Variants in NRXN3 observed in about 807,000 individuals in gnomAD.
The protein encoded by NRXN3 is neurexin III.
A neutral mutation model predicts 137.6 loss-of-function variants in NRXN3; 32 were observed. That is an observed-to-expected ratio of 0.23 (90% CI 0.18 to 0.31). The LOEUF (loss-of-function observed/expected upper bound fraction) is 0.31. NRXN3 is among the 10% of genes least tolerant of loss of function. The pLI is 1.00. For synonymous variants in NRXN3, 798 were observed against 784.5 expected, an observed-to-expected ratio of 1.02 and a Z score of -0.29; for missense variants, 1,574 against 2,062.5, an observed-to-expected ratio of 0.76 and a Z score of 4.59.
chr14:78,726,187 A>AT (rs1156952687), intron 8 of NRXN3, among the ~76,000 whole-genome samples: 4 of 151,942 alleles, frequency 2.6e-5, no homozygotes, highest in Non-Finnish European at 5.9e-5. Flanking sequence ...TTTTTATTTT[A>AT]TTTTGTTCCT....
chr14:79,110,330 A>C (rs1596055901), intron 15 of NRXN3, among the ~76,000 whole-genome samples: 2 of 152,224 alleles, frequency 1.3e-5, no homozygotes, highest in East Asian at 1.9e-4. Flanking sequence ...GTGTGGGCCA[A>C]CCTTCAAATT....
intron 4 of NRXN3, among the ~76,000 whole-genome samples, chr14:78,533,988 G>C (rs1368976487): frequency 6.6e-6 from 1 of 152,156 alleles, no homozygotes; most frequent in Non-Finnish European, 1.5e-5. Context: ...GACAAATTTA[G>C]AGCAGGTTTG....
At chr14:79,059,566 A>G (rs1260023137) in intron 15 of NRXN3, among the ~76,000 whole-genome samples, 1 of 152,068 alleles carries the variant, frequency 6.6e-6, no homozygotes, top group Non-Finnish European at 1.5e-5. Context: ...CTCAGGCCCT[A>G]TTCTAATAAA....
At chr14:78,894,740 A>C (rs1310323885) in intron 10 of NRXN3, among the ~76,000 whole-genome samples, 2 of 151,814 alleles carry the variant, frequency 1.3e-5, no homozygotes, top group Non-Finnish European at 2.9e-5. Flanking sequence ...AAATAATAAG[A>C]CTTGAAAGTT....
intron 15 of NRXN3, among the ~76,000 whole-genome samples, chr14:79,277,334 CAG>C (rs2080443826): frequency 6.6e-6 from 1 of 152,140 alleles, no homozygotes; most frequent in Non-Finnish European, 1.5e-5. Context: ...TAGAGTTAAG[CAG>C]AGTCATCTAG....
intron 4 of NRXN3, among the ~76,000 whole-genome samples, chr14:78,436,631 C>T (rs527341061): frequency 5.3e-5 from 8 of 152,288 alleles, no homozygotes; most frequent in African/African-American, 1.7e-4. Context: ...AAATGTGGCT[C>T]GTGAGACACA....
intron 3 of NRXN3, among the ~76,000 whole-genome samples, chr14:78,286,618 G>A (rs55806332): frequency 1.1e-4 from 16 of 152,272 alleles, no homozygotes; most frequent in Admixed American, 9.8e-4. Flanking sequence ...TGACTGTGAC[G>A]ATGTAGGGAG....
intron 15 of NRXN3, among the ~76,000 whole-genome samples, chr14:79,264,370 T>TGAGC (rs1228420251): frequency 2.6e-5 from 4 of 152,244 alleles, no homozygotes; most frequent in Non-Finnish European, 5.9e-5. Context: ...ATTATAGGCA[T>TGAGC]GAGCCATCAT....
At chr14:78,726,578 T>C (rs1306032260) in intron 8 of NRXN3, among the ~76,000 whole-genome samples, 2 of 147,546 alleles carry the variant, frequency 1.4e-5, no homozygotes, top group African/African-American at 5.0e-5. Context: ...AGTGCAGTGA[T>C]GCAATCTCAG....
intron 4 of NRXN3, among the ~76,000 whole-genome samples, chr14:78,336,027 C>T (rs2081422958): frequency 6.6e-6 from 1 of 152,166 alleles, no homozygotes; most frequent in African/African-American, 2.4e-5. Context: ...CTTCAAAATC[C>T]AGAGCTCCTC....
chr14:79,496,237 T>A (rs200638925), intron 16 of NRXN3, among the ~76,000 whole-genome samples: 1,541 of 144,932 alleles, frequency 0.011, 11 homozygotes, highest in Non-Finnish European at 0.015. Flanking sequence ...TCTCTCTCTC[T>A]CACACACACA....
chr14:78,308,340 T>C (rs981020583), intron 4 of NRXN3, among the ~76,000 whole-genome samples: 2 of 152,104 alleles, frequency 1.3e-5, no homozygotes, highest in Admixed American at 1.3e-4. Flanking sequence ...GGAGGGATGA[T>C]GGTGTGTAAT....
At position 79,588,010 on chromosome 14, in the gene NRXN3, T is replaced by C. The variant is rs79312987; in HGVS notation, c.3445-75768T>C. 2.8e-3 allele frequency among the ~76,000 whole-genome samples: 426 copies of C among 152,344 alleles called. 2 individuals are homozygous for C. Among genetic ancestry groups the C allele is most frequent in the African/African-American group, 9.8e-3 (407 of 41,576 alleles). Reference sequence around the variant, plus strand: ...AAGATATATGTAGCTAGGTGACTTATAGTCACCTCTTAGTCATTCTCAAAT... The same window carrying C: ...AAGATATATGTAGCTAGGTGACTTACAGTCACCTCTTAGTCATTCTCAAAT... On this transcript the variant is annotated intron_variant, in intron 16 of 20. Transcript: ENST00000335750.
At chr14:79,053,014 C>T (rs1384582886) in intron 15 of NRXN3, among the ~76,000 whole-genome samples, 1 of 152,188 alleles carries the variant, frequency 6.6e-6, no homozygotes, top group East Asian at 1.9e-4. Flanking sequence ...TTTCATGTTT[C>T]ACTCTCATCA....
At position 79,659,299 on chromosome 14, in the gene NRXN3, T is replaced by C. The variant is rs570232967; in HGVS notation, c.3445-4479T>C. Among the ~76,000 whole-genome samples, 9 of 152,248 alleles carry C rather than the reference T, an allele frequency of 5.9e-5. No homozygotes were observed. In the East Asian group the frequency reaches 1.6e-3, roughly 26 times the overall value. On this transcript the variant is annotated intron_variant, in intron 16 of 20. Transcript: ENST00000335750. Reference sequence around the variant, plus strand: ...GGAAGAATATAGATTGAAGCAATTGTCTTGGTAGCAACTTTAGTGGTGATG... The same window carrying C: ...GGAAGAATATAGATTGAAGCAATTGCCTTGGTAGCAACTTTAGTGGTGATG...
chr14:79,082,793 T>C (rs1029653668), intron 15 of NRXN3, among the ~76,000 whole-genome samples: 3 of 152,304 alleles, frequency 2.0e-5, no homozygotes, highest in Non-Finnish European at 2.9e-5. Context: ...TAAAAAACTT[T>C]AAAAAATTCA....
At chr14:79,277,366 T>G (rs1272773709) in intron 15 of NRXN3, among the ~76,000 whole-genome samples, 2 of 152,110 alleles carry the variant, frequency 1.3e-5, no homozygotes, top group Admixed American at 1.3e-4. Flanking sequence ...AGGCCAAAAG[T>G]GCAGTGGAAA....
At chr14:79,411,670 C>A (rs1233446883) in intron 15 of NRXN3, among the ~76,000 whole-genome samples, 1 of 152,116 alleles carries the variant, frequency 6.6e-6, no homozygotes, top group African/African-American at 2.4e-5. Flanking sequence ...GTAGTAGAGT[C>A]ATAATTAGAA....
At chr14:78,365,118 TA>T (rs2085727499) in intron 4 of NRXN3, among the ~76,000 whole-genome samples, 1 of 152,182 alleles carries the variant, frequency 6.6e-6, no homozygotes, top group Non-Finnish European at 1.5e-5. Flanking sequence ...GTAGGTTTTA[TA>T]GTTAATGTAA....
Sources: allele counts gnomAD v4.1 joint callset (sites outside exome capture counted in the v4.1 genomes callset), GRCh38; gene constraint gnomAD v4.1.1; transcripts MANE v1.5; gene names NCBI Gene and HGNC (gene_info 2026-07-23, HGNC 2026-07-21).